AUTS2: variants seen among roughly 807,000 people sequenced by gnomAD.
The protein encoded by AUTS2 is autism susceptibility gene 2 protein.
A neutral mutation model predicts 112.4 loss-of-function variants in AUTS2; 17 were observed. That is an observed-to-expected ratio of 0.15 (90% confidence interval 0.10 to 0.23). The LOEUF (loss-of-function observed/expected upper bound fraction) is 0.23, where lower values mean the gene tolerates loss of function less well. Ranked by LOEUF, AUTS2 falls within the 10% of genes least tolerant of loss-of-function variation. The pLI, the probability that AUTS2 is intolerant of heterozygous loss-of-function variation, is 1.00. For synonymous variants in AUTS2, 751 were observed against 702.7 expected (o/e 1.07, Z -1.09); for missense variants, 1,510 against 1,701.6 (o/e 0.89, Z 1.98).
chr7:70,257,785 C>T (rs1786961819), intron 4 of AUTS2, among the ~76,000 whole-genome samples: 1 of 152,104 alleles, frequency 6.6e-6, no homozygotes. Flanking sequence ...TCTGAGGCTA[C>T]TACTACTCCT....
At chr7:70,565,487 TG>T (rs1801671098) in intron 5 of AUTS2, among the ~76,000 whole-genome samples, 1 of 152,206 alleles carries the variant, frequency 6.6e-6, no homozygotes, top group Non-Finnish European at 1.5e-5. Context: ...AAGACCAGCC[TG>T]GGCAACATAG....
At position 70,786,129 on chromosome 7, in the gene AUTS2, CTA is replaced by C. The variant is rs35360940; in HGVS notation, c.2308+93_2308+94del. On this transcript the variant is annotated intron_variant, in intron 17 of 18. Coordinates refer to ENST00000342771, the MANE Select transcript of AUTS2 (RefSeq NM_015570.4). ...CAAGACCTTTCTAGAGAAAAGGAAA[CTA>C]TGCTCTGGGGGGACCAGTGTAGGTT... 0.09 allele frequency: 101,703 copies of C among 1,135,988 alleles called. 5,990 individuals are homozygous for C. Among genetic ancestry groups the C allele is most frequent in the East Asian group, 0.27 (11,087 of 40,724 alleles). The allele number at this position is 1,135,988 out of a possible 1,614,324, so 70.4% of individuals were successfully genotyped here. A position where few individuals can be genotyped will look rare whatever the true frequency, so the allele number is the denominator to read the frequency against.
chr7:70,466,378 G>A (rs1244118225), intron 5 of AUTS2, among the ~76,000 whole-genome samples: 1 of 152,174 alleles, frequency 6.6e-6, no homozygotes, highest in Admixed American at 6.5e-5. Context: ...TATCTTCTAT[G>A]TGAAAAGCAG....
intron 4 of AUTS2, among the ~76,000 whole-genome samples, chr7:70,208,539 C>T (rs1277017071): frequency 6.6e-6 from 1 of 152,106 alleles, no homozygotes; most frequent in East Asian, 1.9e-4. Flanking sequence ...AGCATCTACT[C>T]TGAGCCAGGC....
intron 4 of AUTS2, among the ~76,000 whole-genome samples, chr7:70,172,557 A>T (rs1362535841): frequency 6.6e-6 from 1 of 152,208 alleles, no homozygotes; most frequent in African/African-American, 2.4e-5. Flanking sequence ...ATTTCTAGAG[A>T]TGCAGATAGA....
At chr7:69,965,008 C>T (rs1048959487) in intron 2 of AUTS2, among the ~76,000 whole-genome samples, 2 of 152,016 alleles carry the variant, frequency 1.3e-5, no homozygotes, top group Non-Finnish European at 2.9e-5. Flanking sequence ...TGCCCATTTC[C>T]TCCCAGCAGC....
At chr7:69,667,873 T>C (rs1266658745) in intron 1 of AUTS2, among the ~76,000 whole-genome samples, 1 of 152,196 alleles carries the variant, frequency 6.6e-6, no homozygotes, top group African/African-American at 2.4e-5. Context: ...CTTCCACCTC[T>C]ACCTCTCCAT....
At chr7:69,669,233 T>G (rs1796205144) in intron 1 of AUTS2, among the ~76,000 whole-genome samples, 3 of 152,140 alleles carry the variant, frequency 2.0e-5, no homozygotes, top group Admixed American at 2.0e-4. Flanking sequence ...AATCGCAATT[T>G]TTTTGGACAT....
chr7:70,152,485 G>C (rs1807497527), intron 4 of AUTS2, among the ~76,000 whole-genome samples: 1 of 150,724 alleles, frequency 6.6e-6, no homozygotes, highest in South Asian at 2.1e-4. Flanking sequence ...AAAAGTACTA[G>C]AAGAAAAAAT....
At chr7:70,056,113 G>GAGT (rs1214647514) in intron 2 of AUTS2, among the ~76,000 whole-genome samples, 1 of 151,744 alleles carries the variant, frequency 6.6e-6, no homozygotes, top group African/African-American at 2.4e-5. Flanking sequence ...TCAGCCTCCC[G>GAGT]AGTAGCTGGG....
At chr7:70,389,078 C>G (rs1049392755) in intron 4 of AUTS2, among the ~76,000 whole-genome samples, 1 of 152,190 alleles carries the variant, frequency 6.6e-6, no homozygotes, top group Non-Finnish European at 1.5e-5. Context: ...AAGCTCCCTT[C>G]TAATTTTGCA....
intron 2 of AUTS2, among the ~76,000 whole-genome samples, chr7:70,046,237 C>G (rs1257679387): frequency 6.6e-6 from 1 of 151,972 alleles, no homozygotes; most frequent in Non-Finnish European, 1.5e-5. Context: ...AGCATGAACT[C>G]TAGGTTGGAA....
chr7:70,311,583 GTC>G (rs1789753802), intron 4 of AUTS2, among the ~76,000 whole-genome samples: 1 of 152,088 alleles, frequency 6.6e-6, no homozygotes, highest in South Asian at 2.1e-4. Context: ...TTTTGTTACA[GTC>G]TCGTTCTGTC....
At chr7:70,048,928 T>A (rs1034027636) in intron 2 of AUTS2, among the ~76,000 whole-genome samples, 12 of 152,240 alleles carry the variant, frequency 7.9e-5, no homozygotes, top group African/African-American at 2.7e-4. Flanking sequence ...TTGACTTTTT[T>A]AAAAAACTTA....
chr7:69,724,133 G>A (rs940500508), intron 1 of AUTS2, among the ~76,000 whole-genome samples: 4 of 152,114 alleles, frequency 2.6e-5, no homozygotes, highest in South Asian at 2.1e-4. Context: ...AGACTACCTC[G>A]GGTGTGACCT....
At chr7:69,632,435 A>G (rs1314646558) in intron 1 of AUTS2, among the ~76,000 whole-genome samples, 1 of 152,188 alleles carries the variant, frequency 6.6e-6, no homozygotes, top group Admixed American at 6.5e-5. Context: ...ATACATGCTT[A>G]GAAAGGTAGG....
At chr7:69,663,708 T>A (rs1462810107) in intron 1 of AUTS2, among the ~76,000 whole-genome samples, 1 of 152,160 alleles carries the variant, frequency 6.6e-6, no homozygotes, top group Non-Finnish European at 1.5e-5. Flanking sequence ...TCTAGTAGAA[T>A]CTAACAGCTT....
intron 4 of AUTS2, among the ~76,000 whole-genome samples, chr7:70,299,679 G>T (rs1364893617): frequency 6.6e-6 from 1 of 152,142 alleles, no homozygotes; most frequent in Non-Finnish European, 1.5e-5. Context: ...AGGTGCCTTT[G>T]TGCTCTAGCT....
chr7:69,667,584 G>C (rs1390866945), intron 1 of AUTS2, among the ~76,000 whole-genome samples: 1 of 152,072 alleles, frequency 6.6e-6, no homozygotes, highest in Non-Finnish European at 1.5e-5. Flanking sequence ...TCAAACTCCT[G>C]ATCTCAGGTG....
Sources: allele counts gnomAD v4.1 joint callset (sites outside exome capture counted in the v4.1 genomes callset), GRCh38; gene constraint gnomAD v4.1.1; transcripts MANE v1.5; gene names NCBI Gene and HGNC (gene_info 2026-07-23, HGNC 2026-07-21).